The following ADIPOR2 variants were observed in gnomAD, a reference collection of about 807,000 sequenced individuals.
ADIPOR2 encodes adiponectin receptor protein 2.
In ADIPOR2, 18 loss-of-function variants were observed where a neutral mutation model predicts 40.9. The observed-to-expected ratio is 0.44, with a 90% CI of 0.30 to 0.65. The LOEUF is 0.65. Among genes scored for constraint, ADIPOR2 ranks in the 30% least tolerant of loss-of-function variants. ADIPOR2 has a pLI of 0.09. For missense variants in ADIPOR2, 283 were observed against 479.2 expected (o/e 0.59, Z 3.82); for synonymous variants, 165 against 166.4 (o/e 0.99, Z 0.06).
chr12:1,761,997 G>C (rs983602977), intron 2 of ADIPOR2, among the ~76,000 whole-genome samples: 1 of 152,152 alleles, frequency 6.6e-6, no homozygotes, highest in Non-Finnish European at 1.5e-5. Context: ...TGCCCTATCT[G>C]GCCAACTTCA....
intron 1 of ADIPOR2, among the ~76,000 whole-genome samples, chr12:1,706,017 T>A (rs1010054038): frequency 6.6e-6 from 1 of 152,236 alleles, no homozygotes; most frequent in Non-Finnish European, 1.5e-5. Flanking sequence ...GGTCAACTAC[T>A]GGGCCTTGTT....
At chr12:1,734,090 T>G (rs1320969107) in intron 1 of ADIPOR2, among the ~76,000 whole-genome samples, 2 of 152,242 alleles carry the variant, frequency 1.3e-5, no homozygotes, top group Non-Finnish European at 2.9e-5. Context: ...TGTGTCTTTA[T>G]AGCAGCATGT....
chr12:1,711,850 C>T (rs557284494), intron 1 of ADIPOR2, among the ~76,000 whole-genome samples: 8 of 152,256 alleles, frequency 5.3e-5, no homozygotes, highest in East Asian at 1.9e-4. Context: ...GCAATAACTC[C>T]GTGATTTCCT....
intron 1 of ADIPOR2, among the ~76,000 whole-genome samples, chr12:1,752,353 C>T (rs2094771353): frequency 1.3e-5 from 2 of 150,866 alleles, no homozygotes; most frequent in Admixed American, 6.6e-5. Flanking sequence ...CTCACCTTGG[C>T]CTCCCTAAGT....
intron 1 of ADIPOR2, 61 bp from the exon 2 acceptor site, chr12:1,754,197 A>G (rs1301006694): frequency 1.1e-5 from 7 of 641,346 alleles, no homozygotes; most frequent in Non-Finnish European, 1.7e-5. Context: ...ATGTGATAAT[A>G]TAACTGATAT....
At chr12:1,715,091 G>A (rs921286904) in intron 1 of ADIPOR2, among the ~76,000 whole-genome samples, 26 of 151,990 alleles carry the variant, frequency 1.7e-4, no homozygotes, top group African/African-American at 6.3e-4. Context: ...GGAGATTAGA[G>A]GAGGCTTATC....
At chr12:1,767,070 GACC>G (rs1862396592) in intron 2 of ADIPOR2, among the ~76,000 whole-genome samples, 1 of 152,060 alleles carries the variant, frequency 6.6e-6, no homozygotes, top group South Asian at 2.1e-4. Context: ...AGGAGTTCGA[GACC>G]AGCCTGGCCA....
intron 2 of ADIPOR2, among the ~76,000 whole-genome samples, chr12:1,772,467 G>A (rs1361811908): frequency 6.6e-6 from 1 of 152,100 alleles, no homozygotes; most frequent in Non-Finnish European, 1.5e-5. Flanking sequence ...GTGTATCACA[G>A]TTAGTTATTT....
At chr12:1,739,290 G>A (rs2154442852) in intron 1 of ADIPOR2, among the ~76,000 whole-genome samples, 1 of 152,346 alleles carries the variant, frequency 6.6e-6, no homozygotes, top group Middle Eastern at 3.4e-3. Context: ...TATAGTAGTA[G>A]TTACACAGGT....
chr12:1,761,230 G>T (rs948671926), intron 2 of ADIPOR2, among the ~76,000 whole-genome samples: 4 of 152,128 alleles, frequency 2.6e-5, no homozygotes, highest in Non-Finnish European at 4.4e-5. Flanking sequence ...TGTGGATGGG[G>T]GGAAACTACT....
At chr12:1,738,935 A>G (rs778251728) in intron 1 of ADIPOR2, among the ~76,000 whole-genome samples, 3 of 152,192 alleles carry the variant, frequency 2.0e-5, no homozygotes, top group Non-Finnish European at 2.9e-5. Context: ...TGGGGAGATT[A>G]TTTGTTTTCA....
intron 1 of ADIPOR2, among the ~76,000 whole-genome samples, chr12:1,705,371 A>C (rs1328444522): frequency 6.6e-6 from 1 of 152,190 alleles, no homozygotes; most frequent in South Asian, 2.1e-4. Flanking sequence ...TTTTATGTAC[A>C]GATTGAGCAT....
At chr12:1,777,822 C>T (rs750647391) in intron 3 of ADIPOR2, 32 bp from the exon 4 acceptor site, 15 of 1,587,562 alleles carry the variant, frequency 9.4e-6, no homozygotes, top group East Asian at 6.8e-5. Flanking sequence ...CAACTAAAAT[C>T]ACAAAGATGT....
intron 1 of ADIPOR2, among the ~76,000 whole-genome samples, chr12:1,730,433 C>T (rs1476120733): frequency 4.0e-5 from 6 of 150,836 alleles, no homozygotes; most frequent in Admixed American, 2.6e-4. Context: ...CTGACTAACA[C>T]GGTGAAACCT....
At chr12:1,700,256 A>G (rs1386148222) in intron 1 of ADIPOR2, among the ~76,000 whole-genome samples, 1 of 152,208 alleles carries the variant, frequency 6.6e-6, no homozygotes, top group African/African-American at 2.4e-5. Context: ...TGTTGTTAGT[A>G]TATCAGCTGA....
chr12:1,787,125 T>TA lies in ADIPOR2; in HGVS notation c.*1058dup, dbSNP rs1464013837. ...GAACACTCTCTAAATTTCCCTCTAT[T>TA]AAAAATCACTGCCCTAACTACACTT... On this transcript the variant is annotated 3_prime_UTR_variant, in exon 8 of 8. Transcript: ENST00000357103. 1 of 152,194 alleles carries TA rather than the reference T, an allele frequency of 6.6e-6. No homozygotes were observed. Among genetic ancestry groups the TA allele is most frequent in the Non-Finnish European group, 1.5e-5 (1 of 68,046 alleles). The allele number at this position is 152,194 out of a possible 1,614,324, so 9.4% of individuals were successfully genotyped here.
intron 1 of ADIPOR2, among the ~76,000 whole-genome samples, chr12:1,752,230 CTTTTTTTTTT>C (rs67598229): frequency 1.3e-5 from 1 of 74,864 alleles, no homozygotes; most frequent in African/African-American, 5.6e-5. Context: ...CTCCTGGCCT[CTTTTTTTTTT>C]TTTTTTTTTT....
At chr12:1,711,583 C>G (rs1238932421) in intron 1 of ADIPOR2, among the ~76,000 whole-genome samples, 1 of 149,554 alleles carries the variant, frequency 6.7e-6, no homozygotes, top group Non-Finnish European at 1.5e-5. Context: ...TTCTTTACTA[C>G]TTCTATCTCT....
chr12:1,736,702 G>A (rs2094731502), intron 1 of ADIPOR2, among the ~76,000 whole-genome samples: 3 of 152,150 alleles, frequency 2.0e-5, no homozygotes, highest in Admixed American at 2.0e-4. Flanking sequence ...TAATTGTGAT[G>A]TTAGGGTGTC....
Sources: allele counts gnomAD v4.1 joint callset (sites outside exome capture counted in the v4.1 genomes callset), GRCh38; gene constraint gnomAD v4.1.1; transcripts MANE v1.5; gene names NCBI Gene and HGNC (gene_info 2026-07-23, HGNC 2026-07-21).